SYT6: variants seen among roughly 807,000 people sequenced by gnomAD.
SYT6 encodes synaptotagmin 6.
In SYT6, 24 loss-of-function variants were observed where a neutral mutation model predicts 38.4. The observed-to-expected ratio is 0.62, with a 90% confidence interval of 0.45 to 0.88. The LOEUF (loss-of-function observed/expected upper bound fraction) is 0.88. SYT6 is among the 40% of genes least tolerant of loss of function. The pLI, the probability that SYT6 is intolerant of heterozygous loss-of-function variation, is 0.00. For missense variants in SYT6, 611 were observed against 621.0 expected, an observed-to-expected ratio of 0.98 and a Z score of 0.17; for synonymous variants, 265 against 241.9, an observed-to-expected ratio of 1.10 and a Z score of -0.89.
chr1:114,142,836 A>AT (rs1176002093), intron 1 of SYT6, among the ~76,000 whole-genome samples: 5 of 152,228 alleles, frequency 3.3e-5, no homozygotes, highest in African/African-American at 1.2e-4. Context: ...GCAATTTAGC[A>AT]TTTTTTAGCA....
intron 3 of SYT6, among the ~76,000 whole-genome samples, chr1:114,111,867 C>T (rs1195209750): frequency 6.6e-6 from 1 of 152,168 alleles, no homozygotes; most frequent in Non-Finnish European, 1.5e-5. Context: ...AGTGGGCACT[C>T]CTTCCTAGGG....
chr1:114,098,164 T>C (rs935265620), intron 5 of SYT6, among the ~76,000 whole-genome samples: 4 of 152,132 alleles, frequency 2.6e-5, no homozygotes, highest in African/African-American at 7.2e-5. Flanking sequence ...ACAGTCTAAG[T>C]CTCTTCACTT....
intron 3 of SYT6, among the ~76,000 whole-genome samples, chr1:114,114,650 C>A (rs772947856): frequency 6.6e-6 from 1 of 152,144 alleles, no homozygotes; most frequent in Non-Finnish European, 1.5e-5. Context: ...TCTCTGGAGG[C>A]GGGGCCTGGA....
chr1:114,146,332 T>C (rs1442038595), intron 1 of SYT6, among the ~76,000 whole-genome samples: 1 of 152,174 alleles, frequency 6.6e-6, no homozygotes, highest in African/African-American at 2.4e-5. Flanking sequence ...ACATTGAGAT[T>C]AGAAAGGGCT....
At chr1:114,147,855 A>T (rs995176333) in intron 1 of SYT6, among the ~76,000 whole-genome samples, 1 of 152,246 alleles carries the variant, frequency 6.6e-6, no homozygotes, top group African/African-American at 2.4e-5. Context: ...AATGTCCCCA[A>T]AATGTAAGCT....
At chr1:114,102,961 GTGCAGC>G (rs1211842922) in intron 4 of SYT6, among the ~76,000 whole-genome samples, 1 of 152,206 alleles carries the variant, frequency 6.6e-6, no homozygotes, top group Non-Finnish European at 1.5e-5. Context: ...GCAGGTCTCT[GTGCAGC>G]TGCCCCCAAA....
rs199947720 is a variant in SYT6 at position 114,137,707 on chromosome 1, G to T, written c.859C>A (p.Arg287Ser). The change falls in exon 3 of 8, where the codon CGC (arginine) becomes AGC (serine). Residue 287 changes from arginine to serine, a missense_variant. By Grantham distance (110) the Arg-to-Ser change is moderately radical (BLOSUM62 -1). Transcript: ENST00000610222. ...TCAAAGGTGGGGTTCAGGGTCTTGC[G>T]GTGCACCCGGGTCTGCAGCTTGCAT... ...RKCKLQTRVHRKTLNPTFDEN... is the reference protein window; with the variant it reads ...RKCKLQTRVHSKTLNPTFDEN... 6.8e-6 allele frequency: 11 copies of T among 1,613,746 alleles called. No homozygotes were observed. Among genetic ancestry groups the T allele is most frequent in the Middle Eastern group, 1.6e-4 (1 of 6,082 alleles).
chr1:114,118,667 G>A (rs544957995), intron 3 of SYT6, among the ~76,000 whole-genome samples: 11 of 152,260 alleles, frequency 7.2e-5, no homozygotes, highest in African/African-American at 2.4e-4. Flanking sequence ...CTGTCCCCGC[G>A]GCTCAGGTTC....
chr1:114,101,971 G>A (rs1304641563), intron 4 of SYT6, among the ~76,000 whole-genome samples: 1 of 152,150 alleles, frequency 6.6e-6, no homozygotes, highest in Non-Finnish European at 1.5e-5. Context: ...TCCAAACCCA[G>A]GTCAAAAAGA....
At chr1:114,103,767 T>C (rs754854811) in intron 3 of SYT6, 46 bp from the exon 4 acceptor site, 1 of 1,593,350 alleles carries the variant, frequency 6.3e-7, no homozygotes, top group East Asian at 2.3e-5. Context: ...TTGCAGACCA[T>C]GGGCCTCATG....
intron 7 of SYT6, 92 bp from the exon 8 acceptor site, chr1:114,092,174 C>T: frequency 8.4e-7 from 1 of 1,190,876 alleles, no homozygotes; most frequent in South Asian, 1.4e-5. Context: ...CTGAATTCAC[C>T]TTTCCTAGCT....
At chr1:114,136,908 G>A (rs1557762140) in intron 3 of SYT6, among the ~76,000 whole-genome samples, 1 of 143,078 alleles carries the variant, frequency 7.0e-6, no homozygotes, top group Non-Finnish European at 1.6e-5. Context: ...GGGAGTGGAA[G>A]TGACATGTGT....
chr1:114,118,587 A>T (rs1257713176), intron 3 of SYT6, among the ~76,000 whole-genome samples: 1 of 152,210 alleles, frequency 6.6e-6, no homozygotes, highest in Non-Finnish European at 1.5e-5. Context: ...CACGCAGGCC[A>T]TGCCAGGCCC....
intron 3 of SYT6, among the ~76,000 whole-genome samples, chr1:114,129,564 T>TTTTCTTGC (rs1677969047): frequency 1.8e-5 from 2 of 112,942 alleles, no homozygotes; most frequent in African/African-American, 6.9e-5. Flanking sequence ...TTTTTCTTTC[T>TTTTCTTGC]TTTCTTTCTT....
rs767225438 is a variant in SYT6 at position 114,103,569 on chromosome 1, T to C, written c.1192+32A>G. Reference sequence around the variant, plus strand: ...CCCTTCCAAATCCTAATGTCTGGGCTGCTGGCAGGCCACTTGGGTTAAGAG... The same window carrying C: ...CCCTTCCAAATCCTAATGTCTGGGCCGCTGGCAGGCCACTTGGGTTAAGAG... On this transcript the variant is annotated intron_variant, in intron 4 of 7. Transcript: ENST00000610222. The C allele has an allele frequency of 1.9e-6, 3 of 1,613,308 alleles. No homozygotes were observed. In the Admixed American group the frequency reaches 5.0e-5, roughly 27 times the overall value.
At position 114,139,609 on chromosome 1, in the gene SYT6, C is replaced by T. The variant is rs745952068; in HGVS notation, c.512+6G>A. Reference sequence around the variant, plus strand: ...GGGTCAGGGAAGGGAGTGGTCCACTCCTCACCTGGTGGATGACGCTGGCTC... The same window carrying T: ...GGGTCAGGGAAGGGAGTGGTCCACTTCTCACCTGGTGGATGACGCTGGCTC... On this transcript the variant is annotated splice_donor_region_variant and intron_variant, in intron 2 of 7. Transcript: ENST00000610222. 3.1e-6 allele frequency: 5 copies of T among 1,613,842 alleles called. No homozygotes were observed. In the South Asian group the frequency reaches 4.4e-5, roughly 14 times the overall value.
chr1:114,096,105 G>T (rs1454047695), intron 6 of SYT6, among the ~76,000 whole-genome samples: 2 of 152,126 alleles, frequency 1.3e-5, no homozygotes, highest in Admixed American at 1.3e-4. Flanking sequence ...GGGAGGAGGG[G>T]TGGTGGGGTG....
intron 4 of SYT6, among the ~76,000 whole-genome samples, chr1:114,102,981 GC>G (rs1676057691): frequency 6.6e-6 from 1 of 152,200 alleles, no homozygotes; most frequent in Non-Finnish European, 1.5e-5. Flanking sequence ...CCCCAAACAA[GC>G]ATTTCCTCTG....
chr1:114,142,475 C>T (rs1678917687), intron 1 of SYT6, among the ~76,000 whole-genome samples: 1 of 152,106 alleles, frequency 6.6e-6, no homozygotes, highest in South Asian at 2.1e-4. Context: ...ATAAAATATA[C>T]TCCAGGTAAA....
Sources: gnomAD v4.1 joint callset for allele counts (sites outside exome capture counted in the v4.1 genomes callset) on GRCh38, gnomAD v4.1.1 for gene constraint, MANE v1.5 for transcripts, NCBI Gene and HGNC (gene_info 2026-07-23, HGNC 2026-07-21) for gene names.